Variants in CYB5R4 observed in about 807,000 individuals in gnomAD.
CYB5R4 encodes cytochrome b5 reductase 4.
In CYB5R4, 55 loss-of-function variants were observed where a neutral mutation model predicts 70.2. That is an observed-to-expected ratio of 0.78 (90% CI 0.63 to 0.98). CYB5R4 has a LOEUF of 0.98. CYB5R4 is among the 50% of genes least tolerant of loss of function. The pLI is 0.00. For synonymous variants in CYB5R4, 197 were observed against 199.5 expected (o/e 0.99, Z 0.11); for missense variants, 562 against 612.6 (o/e 0.92, Z 0.87).
intron 15 of CYB5R4, 140 bp from the exon 16 acceptor site, chr6:83,959,684 T>C (rs558577098): frequency 1.5e-4 from 99 of 669,122 alleles, no homozygotes; most frequent in Non-Finnish European, 2.2e-4. Context: ...TAAGAGGTGA[T>C]AGTGTTTTTT....
intron 11 of CYB5R4, 100 bp downstream of exon 11, chr6:83,934,835 A>C (rs899099665): frequency 8.8e-7 from 1 of 1,131,966 alleles, no homozygotes; most frequent in Non-Finnish European, 1.2e-6. Flanking sequence ...GTTATTAATA[A>C]ATGTTTCCAG....
Position 83,924,474 on chromosome 6 carries a change from G to A in CYB5R4, c.696G>A (p.Arg232=), listed in dbSNP as rs369679883. The A allele has an allele frequency of 1.9e-6, 3 of 1,613,436 alleles. No homozygotes were observed. The highest frequency in any genetic ancestry group is 2.5e-6 in the Non-Finnish European group (3 of 1,179,702). ...SHEVQEDFSV[R]VVESVGKIEI... The stretch of plus-strand genomic sequence containing the variant: ...TGGAATTTATCTTCTTTTCAGTGCG[G>A]GTTGTTGAGAGTGTGGGAAAAATAG... Residue 232 remains arginine (R), a synonymous_variant, in exon 10 of 16, where the codon CGG becomes CGA. Transcript: ENST00000369681.
chr6:83,866,502 G>T (rs370962365), intron 2 of CYB5R4, among the ~76,000 whole-genome samples: 254 of 152,208 alleles, frequency 1.7e-3, no homozygotes, highest in Non-Finnish European at 2.9e-3. Flanking sequence ...GAGCATTTCA[G>T]ATTTATGAAT....
chr6:83,898,354 T>G (rs1015814879), intron 3 of CYB5R4, among the ~76,000 whole-genome samples: 1 of 152,268 alleles, frequency 6.6e-6, no homozygotes, highest in South Asian at 2.1e-4. Context: ...CCATGCTGTT[T>G]TGGTTACTGT....
At chr6:83,942,041 A>T (rs1160537405) in intron 14 of CYB5R4, among the ~76,000 whole-genome samples, 2 of 152,200 alleles carry the variant, frequency 1.3e-5, no homozygotes, top group Non-Finnish European at 2.9e-5. Context: ...AATGCTTTGG[A>T]ACCTGTGAAG....
chr6:83,922,097 G>A (rs1041407135), intron 8 of CYB5R4, among the ~76,000 whole-genome samples: 6 of 152,186 alleles, frequency 3.9e-5, no homozygotes, highest in African/African-American at 7.2e-5. Context: ...TGGGGCTTGC[G>A]TGCTTCAGGT....
At chr6:83,905,837 G>T (rs531433704) in intron 3 of CYB5R4, among the ~76,000 whole-genome samples, 1 of 152,218 alleles carries the variant, frequency 6.6e-6, no homozygotes, top group Admixed American at 6.5e-5. Context: ...GCTTATGTTG[G>T]TGGAGGCTGT....
intron 2 of CYB5R4, among the ~76,000 whole-genome samples, chr6:83,874,932 C>G (rs531236855): frequency 8.6e-4 from 131 of 152,144 alleles, no homozygotes; most frequent in Middle Eastern, 6.8e-3. Context: ...AAACAATTCT[C>G]CTGCCTCAGC....
rs575879096 is a variant in CYB5R4, at chr6:83,922,495, A to G, written c.691+25A>G. 4.8e-5 allele frequency: 77 copies of G among 1,590,528 alleles called. No individual in the cohort carries two copies. The South Asian group carries it at 8.0e-4, about 16-fold the overall frequency. On this transcript the variant is annotated intron_variant, in intron 9 of 15. Coordinates refer to ENST00000369681, the MANE Select transcript of CYB5R4 (RefSeq NM_016230.4). Reference sequence around the variant, plus strand: ...GGTAAGCTACCAAAAACCAAAAATTATGTATGTACGTACATATACACATAC... The same window carrying G: ...GGTAAGCTACCAAAAACCAAAAATTGTGTATGTACGTACATATACACATAC...
intron 2 of CYB5R4, among the ~76,000 whole-genome samples, chr6:83,874,620 G>A (rs1659561425): frequency 6.6e-6 from 1 of 150,378 alleles, no homozygotes; most frequent in South Asian, 2.1e-4. Context: ...TTTATTGTCT[G>A]ACATCTTCAA....
Position 83,865,629 on chromosome 6 carries a change from C to T in CYB5R4, c.229+1301C>T, listed in dbSNP as rs148408133. On this transcript the variant is annotated intron_variant, in intron 2 of 15. Transcript: ENST00000369681. ...CTAATCATACTCGATTAGGGACCTC[C>T]CCTACTCCAGTATGACCTCATTTAA... Among the ~76,000 whole-genome samples the T allele has an allele frequency of 6.6e-4, 101 of 152,246 alleles. 1 individual carries two copies. In the East Asian group the frequency reaches 0.014, roughly 22 times the overall value.
chr6:83,911,574 T>G (rs1197795617), intron 4 of CYB5R4, among the ~76,000 whole-genome samples: 3 of 152,192 alleles, frequency 2.0e-5, no homozygotes, highest in Non-Finnish European at 2.9e-5. Flanking sequence ...CATTTTTTTT[T>G]TCCTAGAATG....
chr6:83,938,112 C>A (rs1244410225), intron 12 of CYB5R4, among the ~76,000 whole-genome samples: 1 of 152,120 alleles, frequency 6.6e-6, no homozygotes, highest in Non-Finnish European at 1.5e-5. Context: ...TATGATTAGT[C>A]ATCCTTGGTT....
chr6:83,887,831 G>A (rs1181005687), intron 2 of CYB5R4, among the ~76,000 whole-genome samples: 47 of 152,004 alleles, frequency 3.1e-4, no homozygotes, highest in Non-Finnish European at 5.9e-5. Flanking sequence ...GTAGATGGAT[G>A]GATAGATAGA....
chr6:83,953,994 T>C (rs529971446), intron 14 of CYB5R4, among the ~76,000 whole-genome samples: 1 of 152,316 alleles, frequency 6.6e-6, no homozygotes, highest in South Asian at 2.1e-4. Context: ...ATGGGTTATC[T>C]GAATTTATTT....
intron 14 of CYB5R4, among the ~76,000 whole-genome samples, chr6:83,944,242 A>G (rs1460367960): frequency 6.6e-6 from 1 of 152,224 alleles, no homozygotes; most frequent in Non-Finnish European, 1.5e-5. Context: ...ATCTCTCTGC[A>G]GAAACCCTAC....
chr6:83,899,536 A>C (rs991468246), intron 3 of CYB5R4, among the ~76,000 whole-genome samples: 3 of 152,202 alleles, frequency 2.0e-5, no homozygotes, highest in Non-Finnish European at 4.4e-5. Flanking sequence ...TTTCAGAAGG[A>C]ATAGTACCAG....
At chr6:83,883,197 A>G (rs187118350) in intron 2 of CYB5R4, among the ~76,000 whole-genome samples, 1 of 152,194 alleles carries the variant, frequency 6.6e-6, no homozygotes, top group African/African-American at 2.4e-5. Flanking sequence ...GAGGAAAATT[A>G]TCAGAAATAA....
intron 10 of CYB5R4, among the ~76,000 whole-genome samples, chr6:83,932,432 G>A (rs188579): frequency 6.6e-6 from 1 of 152,178 alleles, no homozygotes; most frequent in Non-Finnish European, 1.5e-5. Context: ...TGTCAATCCA[G>A]AAGGTGAGCA....
Sources: allele counts gnomAD v4.1 joint callset (sites outside exome capture counted in the v4.1 genomes callset), GRCh38; gene constraint gnomAD v4.1.1; transcripts MANE v1.5; gene names NCBI Gene and HGNC (gene_info 2026-07-23, HGNC 2026-07-21).